The following CCSER1 variants were observed in gnomAD, a reference collection of about 807,000 sequenced individuals.
CCSER1 encodes the protein coiled-coil serine rich protein 1.
In CCSER1, 41 loss-of-function variants were observed where a neutral mutation model predicts 82.0. That is an observed-to-expected ratio of 0.50 (90% CI 0.39 to 0.65). The LOEUF (loss-of-function observed/expected upper bound fraction) is 0.65. Ranked by LOEUF, CCSER1 falls within the 30% of genes least tolerant of loss-of-function variation. CCSER1 has a pLI of 0.00. For synonymous variants in CCSER1, 414 were observed against 383.9 expected (o/e 1.08, Z -0.92); for missense variants, 1,119 against 1,064.2 (o/e 1.05, Z -0.72).
At chr4:91,210,374 A>G (rs1736712484) in intron 10 of CCSER1, among the ~76,000 whole-genome samples, 1 of 151,612 alleles carries the variant, frequency 6.6e-6, no homozygotes, top group South Asian at 2.1e-4. Context: ...GGGGGATGTC[A>G]TATTTACATA....
chr4:90,584,625 A>G (rs1209302242), intron 5 of CCSER1, among the ~76,000 whole-genome samples: 1 of 152,208 alleles, frequency 6.6e-6, no homozygotes, highest in Admixed American at 6.5e-5. Flanking sequence ...TTTGTTTTGC[A>G]GTGATAGAAG....
chr4:91,461,324 AG>A (rs1303390676), intron 10 of CCSER1, among the ~76,000 whole-genome samples: 2 of 152,228 alleles, frequency 1.3e-5, no homozygotes, highest in African/African-American at 4.8e-5. Flanking sequence ...CAAACTAGTG[AG>A]GATATTACTG....
At chr4:91,443,303 A>G (rs917129558) in intron 10 of CCSER1, among the ~76,000 whole-genome samples, 1 of 152,264 alleles carries the variant, frequency 6.6e-6, no homozygotes, top group Admixed American at 6.5e-5. Flanking sequence ...ATAAAAAATG[A>G]TGAGTTCATG....
intron 10 of CCSER1, among the ~76,000 whole-genome samples, chr4:91,316,655 T>A (rs1430557617): frequency 3.3e-5 from 5 of 151,948 alleles, no homozygotes; most frequent in Admixed American, 2.0e-4. Context: ...TATTGCTACT[T>A]GCTGGGAAAA....
In CCSER1 at chr4:91,085,343, T is replaced by G. The variant is rs558524389; in HGVS notation, c.2173-607T>G. Among the ~76,000 whole-genome samples, 14 of 152,282 alleles carry G rather than the reference T, an allele frequency of 9.2e-5. No homozygotes were observed. The South Asian group carries it at 2.9e-3, about 32-fold the overall frequency. ...AAGTAATTGTAGTTTTTGCCATTAC[T>G]TTTAATGACAAAATTGACTTGCTAA... On this transcript the variant is annotated intron_variant, in intron 9 of 10. Transcript: ENST00000509176.
rs1482510329 is a variant in CCSER1 at position 91,327,328 on chromosome 4, G to A, written c.2217+241334G>A. On this transcript the variant is annotated intron_variant, in intron 10 of 10. Coordinates refer to ENST00000509176, the MANE Select transcript of CCSER1 (RefSeq NM_001145065.2). ...TGTGCACCCACAGGCCCAATACCAC[G>A]GGGAAGCCACCAAGGCTTGGGGCTT... 6.6e-5 allele frequency among the ~76,000 whole-genome samples: 10 copies of A among 152,312 alleles called. No individual in the cohort carries two copies. The Middle Eastern group carries it at 0.01, about 155-fold the overall frequency.
In CCSER1 at chr4:91,358,398, T is replaced by TG. The variant is rs1356308977; in HGVS notation, c.2218-240174_2218-240173insG. Reference sequence around the variant, plus strand: ...ACTTTGTGCCTGACCCACGTTGTTTTTTTTTTTTTTTTCCCGAGACAAAAT... The same window carrying TG: ...ACTTTGTGCCTGACCCACGTTGTTTTGTTTTTTTTTTTTCCCGAGACAAAAT... On this transcript the variant is annotated intron_variant, in intron 10 of 10. Coordinates refer to ENST00000509176, the MANE Select transcript of CCSER1 (RefSeq NM_001145065.2). 1.0e-4 allele frequency among the ~76,000 whole-genome samples: 15 copies of TG among 149,982 alleles called. 1 individual carries two copies. Among genetic ancestry groups the TG allele is most frequent in the African/African-American group, 3.0e-4 (12 of 40,552 alleles).
chr4:90,484,305 C>T (rs1338782788), intron 5 of CCSER1, among the ~76,000 whole-genome samples: 1 of 152,006 alleles, frequency 6.6e-6, no homozygotes, highest in Admixed American at 6.6e-5. Flanking sequence ...AACTTATTTG[C>T]CATTGGTTCG....
At chr4:91,539,522 C>T (rs1320098985) in intron 10 of CCSER1, among the ~76,000 whole-genome samples, 2 of 152,040 alleles carry the variant, frequency 1.3e-5, no homozygotes, top group Non-Finnish European at 2.9e-5. Flanking sequence ...AAACATCCTA[C>T]ATATGGTAAA....
chr4:90,398,416 C>T (rs1752349141), intron 3 of CCSER1, among the ~76,000 whole-genome samples: 1 of 152,284 alleles, frequency 6.6e-6, no homozygotes, highest in Non-Finnish European at 1.5e-5. Context: ...AGTATCCTTT[C>T]ACTATAAAAT....
intron 1 of CCSER1, among the ~76,000 whole-genome samples, chr4:90,256,809 G>A (rs1015870256): frequency 3.3e-5 from 5 of 152,078 alleles, no homozygotes; most frequent in Non-Finnish European, 5.9e-5. Context: ...GTCAACCATG[G>A]TATAAAAATA....
At chr4:91,528,398 A>G (rs1164633204) in intron 10 of CCSER1, among the ~76,000 whole-genome samples, 1 of 152,208 alleles carries the variant, frequency 6.6e-6, no homozygotes, top group Admixed American at 6.5e-5. Flanking sequence ...TATTATCAAC[A>G]TACAGCTAAT....
chr4:91,292,569 T>C (rs1290390104), intron 10 of CCSER1, among the ~76,000 whole-genome samples: 4 of 151,934 alleles, frequency 2.6e-5, no homozygotes, highest in African/African-American at 7.2e-5. Flanking sequence ...GAAATAAATA[T>C]AGATAATTTT....
chr4:90,172,991 G>A (rs1167331005), intron 1 of CCSER1, among the ~76,000 whole-genome samples: 1 of 151,792 alleles, frequency 6.6e-6, no homozygotes, highest in Non-Finnish European at 1.5e-5. Flanking sequence ...GATAGTGCTA[G>A]TATCAATTAC....
intron 7 of CCSER1, chr4:90,727,202 A>G (rs3733453): frequency 0.067 from 30,544 of 454,074 alleles, 1,372 homozygotes; most frequent in Admixed American, 0.14. Flanking sequence ...GTTTTTTAAT[A>G]GAATATTCAG....
At chr4:91,574,968 T>G (rs1397431879) in intron 10 of CCSER1, among the ~76,000 whole-genome samples, 1 of 151,870 alleles carries the variant, frequency 6.6e-6, no homozygotes, top group Non-Finnish European at 1.5e-5. Flanking sequence ...TCAAATTATA[T>G]TATAATGGTA....
At chr4:90,518,752 C>A in intron 5 of CCSER1, among the ~76,000 whole-genome samples, 1 of 151,820 alleles carries the variant, frequency 6.6e-6, no homozygotes, top group Non-Finnish European at 1.5e-5. Flanking sequence ...ATCATCTATG[C>A]ATTATTAATA....
intron 9 of CCSER1, among the ~76,000 whole-genome samples, chr4:90,998,752 A>G (rs1737733502): frequency 6.6e-6 from 1 of 151,216 alleles, no homozygotes; most frequent in Admixed American, 6.6e-5. Flanking sequence ...ACATTAGATT[A>G]TGAGAGTACA....
At chr4:90,812,965 G>A (rs1336713320) in intron 7 of CCSER1, among the ~76,000 whole-genome samples, 1 of 152,126 alleles carries the variant, frequency 6.6e-6, no homozygotes, top group Non-Finnish European at 1.5e-5. Context: ...GGATCACAGA[G>A]ACAAACCATT....
Sources: gnomAD v4.1 joint callset for allele counts (sites outside exome capture counted in the v4.1 genomes callset) on GRCh38, gnomAD v4.1.1 for gene constraint, MANE v1.5 for transcripts, NCBI Gene and HGNC (gene_info 2026-07-23, HGNC 2026-07-21) for gene names.